GPR158: variants seen among roughly 807,000 people sequenced by gnomAD.
The protein encoded by GPR158 is G protein-coupled receptor 158.
In GPR158, 30 loss-of-function variants were observed where a neutral mutation model predicts 78.2. The ratio of observed to expected loss-of-function variants is 0.38; its 90% CI spans 0.29 to 0.52. GPR158 has a LOEUF of 0.52. Ranked by LOEUF, GPR158 falls within the 20% of genes least tolerant of loss-of-function variation. The probability of loss-of-function intolerance (pLI) is 0.83; values close to 1 mark genes in which losing one functional copy is unlikely to be tolerated. For synonymous variants in GPR158, 581 were observed against 591.1 expected (o/e 0.98, Z 0.25); for missense variants, 1,463 against 1,523.5 (o/e 0.96, Z 0.66).
chr10:25,464,091 A>G (rs1835392072), intron 4 of GPR158, among the ~76,000 whole-genome samples: 1 of 152,224 alleles, frequency 6.6e-6, no homozygotes, highest in South Asian at 2.1e-4. Flanking sequence ...GTTCCAATTT[A>G]TAATCTGAAA....
intron 5 of GPR158, among the ~76,000 whole-genome samples, chr10:25,484,489 C>A (rs1835706237): frequency 6.6e-6 from 1 of 152,140 alleles, no homozygotes; most frequent in South Asian, 2.1e-4. Flanking sequence ...CACAATTTGG[C>A]AGTAGACTAA....
At position 25,175,822 on chromosome 10, in the gene GPR158, C is replaced by A. The variant is rs376206101; in HGVS notation, c.402C>A (p.Asn134Lys). The change falls in exon 1 of 11, where the codon AAC (asparagine) becomes AAA (lysine). Residue 134 changes from asparagine (N) to lysine (K), a missense_variant. Physicochemically the swap from Asn to Lys is moderately conservative, Grantham distance 94. Transcript: ENST00000376351. The surrounding 1 kb of genome is among the most constrained non-coding windows in gnomAD (Gnocchi z 6.4). ...RALDTLTHAT[N>K]FLNVMLQSNK... ...TGGACACACTGACACACGCCACCAA[C>A]TTCCTCAACGTGATGCTGCAGAGCA... The A allele has an allele frequency of 1.9e-6, 3 of 1,612,956 alleles. No homozygotes were observed. The highest frequency in any genetic ancestry group is 2.5e-6 in the Non-Finnish European group (3 of 1,179,990).
At chr10:25,441,943 A>G (rs368897745) in intron 4 of GPR158, among the ~76,000 whole-genome samples, 1 of 152,218 alleles carries the variant, frequency 6.6e-6, no homozygotes, top group Admixed American at 6.5e-5. Context: ...TGGAACGTGA[A>G]TGGAGAGTTT....
intron 2 of GPR158, among the ~76,000 whole-genome samples, chr10:25,365,238 A>G (rs1215240070): frequency 1.3e-5 from 2 of 151,280 alleles, no homozygotes; most frequent in Non-Finnish European, 3.0e-5. Flanking sequence ...TTTCTTTGTG[A>G]GTGATAAACA....
At chr10:25,534,242 G>A (rs942642127) in intron 5 of GPR158, among the ~76,000 whole-genome samples, 1 of 152,134 alleles carries the variant, frequency 6.6e-6, no homozygotes, top group Non-Finnish European at 1.5e-5. Context: ...GTCATTTAGG[G>A]TTTCCAAAAG....
At chr10:25,491,819 TATC>T (rs1835813032) in intron 5 of GPR158, among the ~76,000 whole-genome samples, 1 of 152,200 alleles carries the variant, frequency 6.6e-6, no homozygotes, top group African/African-American at 2.4e-5. Flanking sequence ...CTATTTAGCT[TATC>T]ATTATATGGA....
At chr10:25,253,576 A>T (rs1230645694) in intron 2 of GPR158, among the ~76,000 whole-genome samples, 2 of 152,192 alleles carry the variant, frequency 1.3e-5, no homozygotes, top group Non-Finnish European at 2.9e-5. Flanking sequence ...ACACAGGCAG[A>T]ATATAATTAT....
intron 2 of GPR158, among the ~76,000 whole-genome samples, chr10:25,258,588 A>G (rs187491384): frequency 3.2e-4 from 49 of 152,106 alleles, no homozygotes; most frequent in African/African-American, 9.9e-4. Flanking sequence ...TTATGTATCT[A>G]TTTAGAATTG....
chr10:25,565,511 G>A (rs1235117564), intron 6 of GPR158, among the ~76,000 whole-genome samples: 1 of 152,196 alleles, frequency 6.6e-6, no homozygotes, highest in Non-Finnish European at 1.5e-5. Context: ...GCAGATTCCT[G>A]TTGTGCTTTT....
At chr10:25,580,913 A>ATT (rs571040918) in intron 7 of GPR158, among the ~76,000 whole-genome samples, 28,092 of 112,390 alleles carry the variant, frequency 0.25, 4,035 homozygotes, top group Non-Finnish European at 0.31. Flanking sequence ...TTTTTATTTT[A>ATT]TTTTATTTTA....
chr10:25,531,901 C>T (rs1201383525), intron 5 of GPR158, among the ~76,000 whole-genome samples: 1 of 152,070 alleles, frequency 6.6e-6, no homozygotes, highest in Admixed American at 6.6e-5. Flanking sequence ...AGAGCAGTCC[C>T]TTGGGCCTCC....
chr10:25,304,321 T>G (rs911689367), intron 2 of GPR158, among the ~76,000 whole-genome samples: 1 of 152,118 alleles, frequency 6.6e-6, no homozygotes. Context: ...TTGTGAGATA[T>G]AAATGTTTCT....
chr10:25,441,181 G>T (rs1283464729), intron 4 of GPR158, among the ~76,000 whole-genome samples: 1 of 152,086 alleles, frequency 6.6e-6, no homozygotes, highest in Non-Finnish European at 1.5e-5. Flanking sequence ...TTTATCCATA[G>T]AATTTTCTCT....
intron 5 of GPR158, among the ~76,000 whole-genome samples, chr10:25,529,060 T>C (rs1040528914): frequency 5.3e-5 from 8 of 152,020 alleles, no homozygotes; most frequent in African/African-American, 1.9e-4. Context: ...TGGATAAATA[T>C]ATGGGAGGAA....
chr10:25,359,372 T>C (rs1028982853), intron 2 of GPR158, among the ~76,000 whole-genome samples: 3 of 152,102 alleles, frequency 2.0e-5, no homozygotes, highest in African/African-American at 4.8e-5. Context: ...ACCCATCTTC[T>C]ACATTAGGTA....
intron 2 of GPR158, among the ~76,000 whole-genome samples, chr10:25,308,703 A>G (rs1426229935): frequency 3.3e-5 from 5 of 152,154 alleles, no homozygotes; most frequent in African/African-American, 9.7e-5. Context: ...CTGTTAAACA[A>G]TAACTCCTTT....
intron 5 of GPR158, among the ~76,000 whole-genome samples, chr10:25,521,647 T>C (rs1836276601): frequency 6.6e-6 from 1 of 152,132 alleles, no homozygotes; most frequent in African/African-American, 2.4e-5. Context: ...TTTCTTCTCA[T>C]TTGGTAGACT....
chr10:25,235,501 C>G (rs1853508403), intron 2 of GPR158, among the ~76,000 whole-genome samples: 2 of 149,644 alleles, frequency 1.3e-5, no homozygotes, highest in South Asian at 4.2e-4. Flanking sequence ...GCAATACTAT[C>G]TGTTTTCAGT....
At chr10:25,281,973 C>T (rs962484121) in intron 2 of GPR158, among the ~76,000 whole-genome samples, 2 of 152,096 alleles carry the variant, frequency 1.3e-5, no homozygotes, top group East Asian at 1.9e-4. Context: ...TTTACATTTA[C>T]GTTTTAAATT....
Sources: allele counts gnomAD v4.1 joint callset (sites outside exome capture counted in the v4.1 genomes callset), GRCh38; gene constraint gnomAD v4.1.1; non-coding constraint Gnocchi (gnomAD v3.1); transcripts MANE v1.5; gene names NCBI Gene and HGNC (gene_info 2026-07-23, HGNC 2026-07-21).